Variants in CRYBG2 observed in about 807,000 individuals in gnomAD.
The protein encoded by CRYBG2 is crystallin beta-gamma domain containing 2, also known as beta/gamma crystallin domain-containing protein 2.
A neutral mutation model predicts 153.4 loss-of-function variants in CRYBG2; 106 were observed. The observed-to-expected ratio is 0.69, with a 90% CI of 0.59 to 0.81. The LOEUF is 0.81. CRYBG2 is among the 30% of genes least tolerant of loss of function. CRYBG2 has a pLI of 0.00. For synonymous variants in CRYBG2, 851 were observed against 877.8 expected, an observed-to-expected ratio of 0.97 and a Z score of 0.54; for missense variants, 1,996 against 2,112.0, an observed-to-expected ratio of 0.95 and a Z score of 1.08.
chr1:26,333,942 C>G (rs1231050174), intron 14 of CRYBG2, among the ~76,000 whole-genome samples: 1 of 152,150 alleles, frequency 6.6e-6, no homozygotes, highest in Non-Finnish European at 1.5e-5. Context: ...TCTCAGCCTC[C>G]TGAGTAGGTA....
At position 26,328,957 on chromosome 1, in the gene CRYBG2, C is replaced by T. The variant is rs1179351972; in HGVS notation, c.4315-84G>A. 8 of 1,549,284 alleles carry T rather than the reference C, an allele frequency of 5.2e-6. No individual in the cohort carries two copies. In the Admixed American group the frequency reaches 7.7e-5, roughly 15 times the overall value. ...CCCACAATCCCAGACACCCTGACTC[C>T]CAGATCTGTATGTCAGGCCTTCTTC... On this transcript the variant is annotated intron_variant, in intron 15 of 19. Transcript: ENST00000308182.
At position 26,346,301 on chromosome 1, in the gene CRYBG2, G is replaced by A. The variant is rs774058058; in HGVS notation, c.357C>T (p.Asp119=). The A allele has an allele frequency of 2.5e-6, 4 of 1,598,824 alleles. No individual in the cohort carries two copies. The East Asian group carries it at 8.9e-5, about 36-fold the overall frequency. The change falls in exon 2 of 20, where the codon GAC becomes GAT. Residue 119 remains aspartate (D), a synonymous_variant. Coordinates refer to ENST00000308182, the MANE Select transcript of CRYBG2 (RefSeq NM_001039775.4). The surrounding 1 kb of genome is among the most constrained non-coding windows in gnomAD (Gnocchi z 4.9). ...GAGCTTGGCGGCTGCCATCACTCTGGTCCACAGCCTCCTTCAGCCTCCCCT... is the reference window on the plus strand; with the variant it reads ...GAGCTTGGCGGCTGCCATCACTCTGATCCACAGCCTCCTTCAGCCTCCCCT... The part of the protein sequence containing the change: ...RPEGRLKEAV[D]QSDGSRQAPR...
chr1:26,342,694 T>A, intron 5 of CRYBG2, 60 bp downstream of exon 5: 2 of 1,586,514 alleles, frequency 1.3e-6, no homozygotes, highest in Non-Finnish European at 1.7e-6. Context: ...TCACTGCTCC[T>A]GGCCTCGGGG....
intron 14 of CRYBG2, among the ~76,000 whole-genome samples, chr1:26,333,041 A>AAAAAAAAAAAAAAAAAAAAAATTAT (rs2074015936): frequency 7.0e-6 from 1 of 143,786 alleles, no homozygotes; most frequent in Non-Finnish European, 1.5e-5. Context: ...AAAAAAAAAA[A>AAAAAAAAAAAAAAAAAAAAAATTAT]AAAAAGATTT....
Position 26,338,387 on chromosome 1 carries a change from C to T in CRYBG2, c.3435G>A (p.Ser1145=), listed in dbSNP as rs762202003. 1.2e-5 allele frequency: 20 copies of T among 1,612,294 alleles called. No homozygotes were observed. Among genetic ancestry groups the T allele is most frequent in the Non-Finnish European group, 1.4e-5 (16 of 1,179,390 alleles). Reference sequence around the variant, plus strand: ...GCTTCAGGGAGCCCACGCTGGGGTCCGATGTGCCCCAGGCCTCTGAGGTGG... The same window carrying T: ...GCTTCAGGGAGCCCACGCTGGGGTCTGATGTGCCCCAGGCCTCTGAGGTGG... ...EYPTSEAWGT[S]DPSVGSLKPM... is the part of the protein sequence containing the mutation. The change falls in exon 7 of 20, where the codon TCG becomes TCA. Residue 1145 remains serine (S), a synonymous_variant. Transcript: ENST00000308182.
chr1:26,344,650 C>CA lies in CRYBG2; in HGVS notation c.2007dup (p.Ala670CysfsTer11). ...TGTTTGGGGAGTGAGGTGGCAGGAG[C>CA]AATTGGGCCTTGAACAGTCTCTTCC... On this transcript the variant is annotated frameshift_variant, in exon 2 of 20. Transcript: ENST00000308182. LOFTEE classifies it high-confidence loss of function. 6.5e-7 allele frequency: 1 copy of CA among 1,535,192 alleles called. No individual in the cohort carries two copies. Among genetic ancestry groups the CA allele is most frequent in the Non-Finnish European group, 8.7e-7 (1 of 1,146,384 alleles).
chr1:26,336,563 T>TCCCGCCACCGGGGAGGC lies in CRYBG2; in HGVS notation c.4038+26_4038+42dup. The TCCCGCCACCGGGGAGGC allele has an allele frequency of 1.3e-6, 2 of 1,540,706 alleles. No homozygotes were observed. Among genetic ancestry groups the TCCCGCCACCGGGGAGGC allele is most frequent in the Non-Finnish European group, 1.8e-6 (2 of 1,142,652 alleles). On this transcript the variant is annotated intron_variant, in intron 12 of 19. Coordinates refer to ENST00000308182, the MANE Select transcript of CRYBG2 (RefSeq NM_001039775.4). This position sits in a 1 kb window ranked among gnomAD's most constrained non-coding sequence, Gnocchi z 4.9. The stretch of plus-strand genomic sequence containing the variant: ...GGGCGGGGCGCACCCGAACTCCAGG[T>TCCCGCCACCGGGGAGGC]CCCGCCACCGGGGAGGCCCCGCCCC...
intron 1 of CRYBG2, among the ~76,000 whole-genome samples, chr1:26,353,325 A>G (rs1182743594): frequency 6.6e-6 from 1 of 152,082 alleles, no homozygotes; most frequent in Non-Finnish European, 1.5e-5. Flanking sequence ...CCCCAGGCTC[A>G]TTTCCTCTTC....
At chr1:26,340,931 G>C (rs898971341) in intron 5 of CRYBG2, among the ~76,000 whole-genome samples, 3 of 151,990 alleles carry the variant, frequency 2.0e-5, no homozygotes, top group African/African-American at 7.3e-5. Flanking sequence ...GAGAGGCTTT[G>C]TAAACTATCC....
chr1:26,329,737 G>A (rs2073977051), intron 15 of CRYBG2, among the ~76,000 whole-genome samples: 1 of 151,682 alleles, frequency 6.6e-6, no homozygotes, highest in Non-Finnish European at 1.5e-5. Context: ...CTGCTGAAGT[G>A]CTATAATTTA....
intron 17 of CRYBG2, chr1:26,327,001 G>T (rs977374264): frequency 5.9e-6 from 3 of 508,278 alleles, no homozygotes; most frequent in African/African-American, 5.8e-5. Flanking sequence ...CCTTATGAAA[G>T]TGTTGAAGGC....
rs374288229 is a variant in CRYBG2 at position 26,345,887 on chromosome 1, C to G, written c.771G>C (p.Thr257=). The change falls in exon 2 of 20, where the codon ACG becomes ACC. Residue 257 remains threonine (T), a synonymous_variant. Coordinates refer to ENST00000308182, the MANE Select transcript of CRYBG2 (RefSeq NM_001039775.4). ...SPPASHLPRP[T]AGGPRSTGLG... is the part of the protein sequence containing the mutation. ...GACCTGTGCTCCTTGGCCCGCCAGC[C>G]GTGGGCCTGGGCAGGTGACTGGCAG... 6 of 1,597,698 alleles carry G rather than the reference C, an allele frequency of 3.8e-6. No homozygotes were observed. The highest frequency in any genetic ancestry group is 5.1e-6 in the Non-Finnish European group (6 of 1,179,608).
chr1:26,344,269 A>G lies in CRYBG2; in HGVS notation c.2389T>C (p.Tyr797His). 1 of 1,531,478 alleles carries G rather than the reference A, an allele frequency of 6.5e-7. No homozygotes were observed. Among genetic ancestry groups the G allele is most frequent in the Non-Finnish European group, 8.7e-7 (1 of 1,143,304 alleles). The allele number at this position is 1,531,478 out of a possible 1,614,324, so 94.9% of individuals were successfully genotyped here. A position where few individuals can be genotyped will look rare whatever the true frequency, so the allele number is the denominator to read the frequency against. ...TCCTCAATGGCAGGCAGCGTGGCGTACATGGACAGGTAGGAGGAGCGAGGG... is the reference window on the plus strand; with the variant it reads ...TCCTCAATGGCAGGCAGCGTGGCGTGCATGGACAGGTAGGAGGAGCGAGGG... ...RAPRSSYLSMYATLPAIEEDQ... is the reference protein window; with the variant it reads ...RAPRSSYLSMHATLPAIEEDQ... The change falls in exon 2 of 20, where the codon TAC becomes CAC. Residue 797 changes from tyrosine (Y) to histidine (H), a missense_variant. Physicochemically the swap from Tyr to His is moderately conservative, Grantham distance 83 (BLOSUM62 2). Transcript: ENST00000308182.
In CRYBG2 at chr1:26,322,061, G is replaced by T. The variant is rs757671773; in HGVS notation, c.4898-5C>A. On this transcript the variant is annotated splice_region_variant and splice_polypyrimidine_tract_variant and intron_variant, in intron 19 of 19. Transcript: ENST00000308182. ...CCCGGTCGTAGCCCCGGCCTCCTGG[G>T]GGTGGGATGGGGATTAAAAGATAGG... 1 of 1,604,882 alleles carries T rather than the reference G, an allele frequency of 6.2e-7. No individual in the cohort carries two copies. The highest frequency in any genetic ancestry group is 8.5e-7 in the Non-Finnish European group (1 of 1,172,872).
intron 5 of CRYBG2, 54 bp downstream of exon 5, chr1:26,342,700 C>T (rs771863166): frequency 4.2e-5 from 67 of 1,591,536 alleles, no homozygotes; most frequent in Admixed American, 3.2e-4. Context: ...CTCCTGGCCT[C>T]GGGGATTTCA....
At chr1:26,324,347 G>C (rs768878111) in intron 17 of CRYBG2, 37 bp from the exon 18 acceptor site, 4 of 1,565,822 alleles carry the variant, frequency 2.6e-6, no homozygotes, top group Non-Finnish European at 3.5e-6. Flanking sequence ...AGGGGTGCCG[G>C]GGAGGGATGA....
chr1:26,323,833 C>T (rs1177746654), intron 18 of CRYBG2, among the ~76,000 whole-genome samples: 2 of 152,182 alleles, frequency 1.3e-5, no homozygotes, highest in Admixed American at 1.3e-4. Context: ...CTGCCTCGGC[C>T]TTCCAAAGTG....
In CRYBG2 at chr1:26,336,732, C is replaced by T. The variant is rs1355514143; in HGVS notation, c.3912G>A (p.Val1304=). 1 of 1,584,348 alleles carries T rather than the reference C, an allele frequency of 6.3e-7. No homozygotes were observed. Among genetic ancestry groups the T allele is most frequent in the Non-Finnish European group, 8.6e-7 (1 of 1,165,054 alleles). Reference sequence around the variant, plus strand: ...AGCCCACCTCCTGGTAGGCCACCCACCTGCAGGAAGGGCGGGGCGCGAGTC... The same window carrying T: ...AGCCCACCTCCTGGTAGGCCACCCATCTGCAGGAAGGGCGGGGCGCGAGTC... The part of the protein sequence containing the change: ...STQAIHVLSG[V]WVAYQEVGFS... Residue 1304 remains valine, a splice_region_variant and synonymous_variant, in exon 12 of 20, where the codon GTG becomes GTA. Transcript: ENST00000308182. The surrounding 1 kb of genome is among the most constrained non-coding windows in gnomAD (Gnocchi z 4.9).
chr1:26,330,170 C>T (rs2073982439), intron 15 of CRYBG2, among the ~76,000 whole-genome samples: 1 of 152,216 alleles, frequency 6.6e-6, no homozygotes, highest in Admixed American at 6.5e-5. Context: ...GGGTTTACTA[C>T]AGGCCATGTT....
Sources: allele counts gnomAD v4.1 joint callset (sites outside exome capture counted in the v4.1 genomes callset), GRCh38; gene constraint gnomAD v4.1.1; non-coding constraint Gnocchi (gnomAD v3.1); transcripts MANE v1.5; gene names NCBI Gene and HGNC (gene_info 2026-07-23, HGNC 2026-07-21).